Variants in TCF4 observed in about 807,000 individuals in gnomAD.
The protein encoded by TCF4 is transcription factor 4.
TCF4 carries 3 observed loss-of-function variants against 82.1 expected under a neutral mutation model. The ratio of observed to expected loss-of-function variants is 0.04; its 90% CI spans 0.02 to 0.09. The LOEUF is 0.09. Ranked by LOEUF, TCF4 falls within the 10% of genes least tolerant of loss-of-function variation. The pLI is 1.00. For synonymous variants in TCF4, 276 were observed against 309.6 expected (o/e 0.89, Z 1.14); for missense variants, 518 against 852.7 (o/e 0.61, Z 4.89).
chr18:55,360,970 C>T (rs2085006249), intron 6 of TCF4, among the ~76,000 whole-genome samples: 1 of 152,082 alleles, frequency 6.6e-6, no homozygotes, highest in Non-Finnish European at 1.5e-5. Flanking sequence ...CGTGATCCAC[C>T]CGCGCTGGCC....
rs1305657126 is a variant in TCF4 at position 55,223,684 on chromosome 18, T to C, written c.*4351A>G. The C allele has an allele frequency of 2.2e-5, 1 of 45,742 alleles. No homozygotes were observed. The allele number at this position is 45,742 out of a possible 1,614,324, so 2.8% of individuals were successfully genotyped here. A position where few individuals can be genotyped will look rare whatever the true frequency, so the allele number is the denominator to read the frequency against. Reference sequence around the variant, plus strand: ...AAAACAAGGTGTAACTGTTTATCTTTTTTTTTTTTTTTGAAATGTTTTCCC... The same window carrying C: ...AAAACAAGGTGTAACTGTTTATCTTCTTTTTTTTTTTTGAAATGTTTTCCC... On this transcript the variant is annotated 3_prime_UTR_variant, in exon 20 of 20. Transcript: ENST00000354452.
chr18:55,589,189 A>G (rs2097678279), upstream of TCF4: 2 of 876,284 alleles, frequency 2.3e-6, no homozygotes, highest in Non-Finnish European at 2.8e-6. Flanking sequence ...CCCATTGGCA[A>G]TTATTTAATA....
At chr18:55,495,555 A>C (rs2096625588) in intron 3 of TCF4, 2 of 152,150 alleles carry the variant, frequency 1.3e-5, no homozygotes, top group Non-Finnish European at 2.9e-5. Context: ...TAAAAGAAAA[A>C]TGTGAAGCTA....
At chr18:55,473,777 TAATCA>T (rs965618658) in intron 3 of TCF4, among the ~76,000 whole-genome samples, 3 of 152,204 alleles carry the variant, frequency 2.0e-5, no homozygotes, top group Non-Finnish European at 4.4e-5. Flanking sequence ...TCTTTCATAG[TAATCA>T]AATCAAAGCA....
intron 8 of TCF4, among the ~76,000 whole-genome samples, chr18:55,320,271 ATT>A (rs1047496666): frequency 6.6e-6 from 1 of 152,128 alleles, no homozygotes; most frequent in African/African-American, 2.4e-5. Context: ...AACGAAAACC[ATT>A]TGTTTTAAAA....
chr18:55,248,803 G>A (rs2054116683), intron 15 of TCF4, among the ~76,000 whole-genome samples: 1 of 152,158 alleles, frequency 6.6e-6, no homozygotes, highest in African/African-American at 2.4e-5. Flanking sequence ...GGAGTGCAGT[G>A]GCACAATCTT....
intron 5 of TCF4, among the ~76,000 whole-genome samples, chr18:55,409,637 G>C (rs577494479): frequency 6.6e-6 from 1 of 152,128 alleles, no homozygotes; most frequent in Admixed American, 6.6e-5. Flanking sequence ...TTAACACTAA[G>C]AATATATCAG....
At chr18:55,292,038 T>C (rs1413952516) in intron 8 of TCF4, among the ~76,000 whole-genome samples, 1 of 152,286 alleles carries the variant, frequency 6.6e-6, no homozygotes, top group South Asian at 2.1e-4. Flanking sequence ...ATTCCTGAGA[T>C]AGGACCAGAA....
chr18:55,632,132 G>C (rs1309774487), intron 1 of TCF4, among the ~76,000 whole-genome samples: 1 of 152,114 alleles, frequency 6.6e-6, no homozygotes, highest in African/African-American at 2.4e-5. Context: ...TCCGCCTCCC[G>C]GGTTCAGGCC....
At chr18:55,374,102 C>A (rs1403980336) in intron 6 of TCF4, among the ~76,000 whole-genome samples, 1 of 151,788 alleles carries the variant, frequency 6.6e-6, no homozygotes, top group Non-Finnish European at 1.5e-5. Flanking sequence ...AAACAATACA[C>A]AAATAAATGA....
chr18:55,437,506 A>C (rs1188588924), intron 5 of TCF4, among the ~76,000 whole-genome samples: 1 of 152,204 alleles, frequency 6.6e-6, no homozygotes, highest in East Asian at 1.9e-4. Flanking sequence ...TCTTAGTGGT[A>C]AATAATTAGG....
At chr18:55,599,833 T>C (rs1218556151) in intron 2 of TCF4, among the ~76,000 whole-genome samples, 1 of 152,206 alleles carries the variant, frequency 6.6e-6, no homozygotes, top group Non-Finnish European at 1.5e-5. Context: ...GATCAAGATA[T>C]GAAACATTTC....
In TCF4 at chr18:55,461,078, C is replaced by A; in HGVS notation, c.245G>T (p.Ser82Ile). 1 of 1,613,284 alleles carries A rather than the reference C, an allele frequency of 6.2e-7. No individual in the cohort carries two copies. The highest frequency in any genetic ancestry group is 8.5e-7 in the Non-Finnish European group (1 of 1,179,512). ...ATTGTCATGTGACCCAAGGTCCCTG[C>A]TGGTCATGTGGTCATAGGGAGTCCC... ...GDGTPYDHMT[S>I]RDLGSHDNLS... is the part of the protein sequence containing the mutation. Residue 82 changes from serine (S) to isoleucine (I), a missense_variant, in exon 5 of 20, where the codon AGC (serine) becomes ATC (isoleucine). Physicochemically the swap from Ser to Ile is moderately radical, Grantham distance 142 (BLOSUM62 -2). Transcript: ENST00000354452.
At chr18:55,469,003 A>G (rs189517725) in intron 3 of TCF4, among the ~76,000 whole-genome samples, 42 of 152,200 alleles carry the variant, frequency 2.8e-4, no homozygotes, top group Admixed American at 2.7e-3. Context: ...CTGTTCCAAA[A>G]GACTGAAATG....
At chr18:55,302,667 G>C in intron 8 of TCF4, 1 of 1,452,470 alleles carries the variant, frequency 6.9e-7, no homozygotes, top group Admixed American at 2.1e-5. Flanking sequence ...GGCTGGCCTA[G>C]GGGTGGGAGG....
intron 3 of TCF4, chr18:55,469,599 A>C (rs1603502112): frequency 6.6e-6 from 1 of 152,340 alleles, no homozygotes; most frequent in East Asian, 1.9e-4. Flanking sequence ...TCCCATCCAC[A>C]TTCATTACAC....
intron 8 of TCF4, among the ~76,000 whole-genome samples, chr18:55,338,108 G>A (rs1167530974): frequency 1.3e-5 from 2 of 152,114 alleles, no homozygotes; most frequent in Non-Finnish European, 1.5e-5. Flanking sequence ...GTCTGACTCT[G>A]ATTTCCCTGC....
rs548159446 is a variant in TCF4 at position 55,335,815 on chromosome 18, A to C, written c.549+14544T>G. ...CTAAAAAGATCAAAAGCCTAAAAAA[A>C]GGCTTGGAGCAGAACTACATACATA... On this transcript the variant is annotated intron_variant, in intron 8 of 19. Coordinates refer to ENST00000354452, the MANE Select transcript of TCF4 (RefSeq NM_001083962.2). Among the ~76,000 whole-genome samples the C allele has an allele frequency of 9.2e-5, 14 of 152,290 alleles. 1 individual carries two copies. In the South Asian group the frequency reaches 2.9e-3, roughly 32 times the overall value.
At chr18:55,522,677 G>A (rs1268211661) in intron 3 of TCF4, among the ~76,000 whole-genome samples, 1 of 152,038 alleles carries the variant, frequency 6.6e-6, no homozygotes, top group Non-Finnish European at 1.5e-5. Flanking sequence ...TGGAAAAAAA[G>A]AGATAATAAT....
Sources: allele counts gnomAD v4.1 joint callset (sites outside exome capture counted in the v4.1 genomes callset), GRCh38; gene constraint gnomAD v4.1.1; transcripts MANE v1.5; gene names NCBI Gene and HGNC (gene_info 2026-07-23, HGNC 2026-07-21).